TTC12: variants seen among roughly 807,000 people sequenced by gnomAD.
TTC12 encodes the protein tetratricopeptide repeat domain 12, also known as tetratricopeptide repeat protein 12.
A neutral mutation model predicts 90.1 loss-of-function variants in TTC12; 70 were observed. That is an observed-to-expected ratio of 0.78 (90% CI 0.64 to 0.95). The LOEUF (loss-of-function observed/expected upper bound fraction) is 0.95, where lower values mean the gene tolerates loss of function less well. Ranked by LOEUF, TTC12 falls within the 40% of genes least tolerant of loss-of-function variation. The pLI is 0.00. For missense variants in TTC12, 819 were observed against 846.1 expected (o/e 0.97, Z 0.40); for synonymous variants, 296 against 311.5 (o/e 0.95, Z 0.53).
chr11:113,324,139 A>G lies in TTC12; in HGVS notation c.244+124A>G. ...ACAAACAACCTGTGAACAAAAACCT[A>G]CTGATCATCCCATTCTGTTACTAGT... On this transcript the variant is annotated intron_variant, in intron 4 of 21. Coordinates refer to ENST00000529221, the MANE Select transcript of TTC12 (RefSeq NM_017868.4). The G allele has an allele frequency of 5.5e-6, 4 of 731,170 alleles. No individual in the cohort carries two copies. The South Asian group carries it at 7.0e-5, about 13-fold the overall frequency. The allele number at this position is 731,170 out of a possible 1,614,324, so 45.3% of individuals were successfully genotyped here.
intron 9 of TTC12, 112 bp from the exon 10 acceptor site, chr11:113,339,174 T>C (rs1443509751): frequency 1.2e-6 from 1 of 861,638 alleles, no homozygotes; most frequent in Non-Finnish European, 1.8e-6. Context: ...ATTTTAATGC[T>C]TTATGCTTCT....
rs1195098413 is a variant in TTC12 at position 113,329,881 on chromosome 11, A to G, written c.445-39A>G. The G allele has an allele frequency of 2.6e-6, 4 of 1,562,978 alleles. No homozygotes were observed. In the African/African-American group the frequency reaches 4.1e-5, roughly 16 times the overall value. On this transcript the variant is annotated intron_variant, in intron 6 of 21. Coordinates refer to ENST00000529221, the MANE Select transcript of TTC12 (RefSeq NM_017868.4). ...GTGTGAACTGAAAACTGCCTGATGC[A>G]GAATTGTGTGTGAATATCAGCTGTT...
Position 113,344,426 on chromosome 11 carries a change from C to G in TTC12, c.1140C>G (p.His380Gln). The G allele has an allele frequency of 6.2e-7, 1 of 1,613,724 alleles. No individual in the cohort carries two copies. The change falls in exon 13 of 22, where the codon CAC becomes CAG. Residue 380 changes from histidine (H) to glutamine (Q), a missense_variant. Coordinates refer to ENST00000529221, the MANE Select transcript of TTC12 (RefSeq NM_017868.4). ...TESGRSLIIN[H>Q]LDLTRLLEAL... ...GCGGACGGAGCCTGATCATCAACCACCTTGACCTGACCAGGTAAGCCTCTG... is the reference window on the plus strand; with the variant it reads ...GCGGACGGAGCCTGATCATCAACCAGCTTGACCTGACCAGGTAAGCCTCTG...
Position 113,338,808 on chromosome 11 carries a change from A to T in TTC12, c.611A>T (p.Asn204Ile). 6.2e-7 allele frequency: 1 copy of T among 1,613,972 alleles called. No individual in the cohort carries two copies. The highest frequency in any genetic ancestry group is 8.5e-7 in the Non-Finnish European group (1 of 1,179,926). ...TGTTATAAGAAGATCTTAGAAATAA[A>T]CCCCAAGCTGCAAACCCAGGTGAAA... ...RECYKKILEI[N>I]PKLQTQVKGY... The change falls in exon 9 of 22, where the codon AAC becomes ATC. Residue 204 changes from asparagine to isoleucine, a missense_variant. Asn to Ile is a moderately radical substitution (Grantham distance 149). Transcript: ENST00000529221.
At chr11:113,338,283 T>C (rs1948488556) in intron 8 of TTC12, among the ~76,000 whole-genome samples, 1 of 152,196 alleles carries the variant, frequency 6.6e-6, no homozygotes, top group African/African-American at 2.4e-5. Flanking sequence ...CTGACTCTTA[T>C]GTGGCCAATA....
intron 20 of TTC12, 138 bp from the exon 21 acceptor site, chr11:113,364,695 GTA>G (rs1431531692): frequency 4.2e-5 from 28 of 666,102 alleles, no homozygotes; most frequent in Non-Finnish European, 7.5e-5. Context: ...TTGCTGATGA[GTA>G]AGTGAACAAG....
intron 16 of TTC12, among the ~76,000 whole-genome samples, chr11:113,356,436 T>A (rs1949641613): frequency 1.3e-5 from 2 of 152,242 alleles, no homozygotes; most frequent in South Asian, 4.1e-4. Context: ...ATTTGGCTCA[T>A]TTACATTCAA....
chr11:113,351,450 T>C (rs1555150173), intron 15 of TTC12, 151 bp downstream of exon 15: 2 of 728,674 alleles, frequency 2.7e-6, no homozygotes, highest in Admixed American at 4.4e-5. Context: ...TTCTCAGTTA[T>C]TGAAACAGCT....
chr11:113,367,738 G>C (rs118184869), downstream of TTC12, among the ~76,000 whole-genome samples: 44 of 152,288 alleles, frequency 2.9e-4, 1 homozygote, highest in East Asian at 6.2e-3. Context: ...GGCGGTGGAA[G>C]AAAATCAATG....
At chr11:113,352,348 G>T (rs199521185) in intron 16 of TTC12, 141 bp downstream of exon 16, 1 of 997,774 alleles carries the variant, frequency 1.0e-6, no homozygotes, top group Non-Finnish European at 1.5e-6. Context: ...TGTAACCACG[G>T]ATTTTATGCA....
intron 12 of TTC12, among the ~76,000 whole-genome samples, chr11:113,343,041 T>C (rs1555146717): frequency 6.6e-6 from 1 of 152,226 alleles, no homozygotes; most frequent in African/African-American, 2.4e-5. Flanking sequence ...GTAAATGCTG[T>C]ATCACAGGTC....
At chr11:113,348,971 T>C (rs1453665483) in intron 13 of TTC12, among the ~76,000 whole-genome samples, 1 of 152,240 alleles carries the variant, frequency 6.6e-6, no homozygotes, top group African/African-American at 2.4e-5. Flanking sequence ...GACTACAGGC[T>C]GCTTTGCCTG....
intron 2 of TTC12, among the ~76,000 whole-genome samples, chr11:113,319,813 T>C (rs1202296663): frequency 1.3e-5 from 2 of 152,152 alleles, no homozygotes; most frequent in Non-Finnish European, 2.9e-5. Context: ...TGGAGAAGAT[T>C]TGCACACATA....
In TTC12 at chr11:113,359,527, C is replaced by T. The variant is rs2138066048; in HGVS notation, c.1545+66C>T. 5.5e-6 allele frequency: 6 copies of T among 1,087,254 alleles called. No individual in the cohort carries two copies. The East Asian group carries it at 1.2e-4, about 22-fold the overall frequency. 67.4% of individuals were successfully genotyped at this position (1,087,254 alleles called of 1,614,324 possible). A position where few individuals can be genotyped will look rare whatever the true frequency, so the allele number is the denominator to read the frequency against. ...CCTGTACACATTCTGTGGCATAAAA[C>T]CATTCTCATGTTCACGAAGAGACAG... is the stretch of plus-strand genomic sequence containing the variant. On this transcript the variant is annotated intron_variant, in intron 17 of 21. Transcript: ENST00000529221.
At chr11:113,360,080 T>C in intron 18 of TTC12, 72 bp downstream of exon 18, 1 of 1,155,310 alleles carries the variant, frequency 8.7e-7, no homozygotes, top group Non-Finnish European at 1.3e-6. Flanking sequence ...TTTTGTTTTA[T>C]TATCAGTGTA....
chr11:113,352,459 T>G (rs536885058), intron 16 of TTC12, among the ~76,000 whole-genome samples: 8 of 152,066 alleles, frequency 5.3e-5, no homozygotes, highest in East Asian at 3.9e-4. Context: ...ATTTATTTAT[T>G]TATTATTTAA....
At chr11:113,317,431 C>T (rs895655524) in intron 2 of TTC12, among the ~76,000 whole-genome samples, 6 of 152,142 alleles carry the variant, frequency 3.9e-5, no homozygotes, top group African/African-American at 2.4e-5. Flanking sequence ...CATAACCCTG[C>T]ATCCAATTAG....
chr11:113,339,149 C>A (rs921626316), intron 9 of TTC12, 137 bp from the exon 10 acceptor site: 1 of 726,820 alleles, frequency 1.4e-6, no homozygotes, highest in Non-Finnish European at 2.2e-6. Context: ...TCCTTGCTAA[C>A]GAAGAGTTTT....
At chr11:113,360,500 G>GA (rs1362618794) in intron 18 of TTC12, among the ~76,000 whole-genome samples, 1 of 152,124 alleles carries the variant, frequency 6.6e-6, no homozygotes, top group Non-Finnish European at 1.5e-5. Flanking sequence ...AATATATGCT[G>GA]AAATGGCTTT....
Sources: gnomAD v4.1 joint callset for allele counts (sites outside exome capture counted in the v4.1 genomes callset) on GRCh38, gnomAD v4.1.1 for gene constraint, MANE v1.5 for transcripts, NCBI Gene and HGNC (gene_info 2026-07-23, HGNC 2026-07-21) for gene names.